C5orf47: variants seen among roughly 807,000 people sequenced by gnomAD.
C5orf47 encodes uncharacterized protein C5orf47.
In C5orf47, 20 loss-of-function variants were observed where a neutral mutation model predicts 20.6. That is an observed-to-expected ratio of 0.97 (90% CI 0.68 to 1.41). C5orf47 has a LOEUF of 1.41. Ranked by LOEUF, C5orf47 falls within the 40% of genes most tolerant of loss-of-function variation. The pLI, the probability that C5orf47 is intolerant of heterozygous loss-of-function variation, is 0.00. For missense variants in C5orf47, 262 were observed against 238.4 expected, an observed-to-expected ratio of 1.10 and a Z score of -0.65; for synonymous variants, 106 against 97.3, an observed-to-expected ratio of 1.09 and a Z score of -0.53.
rs957933098 is a variant in C5orf47, at chr5:174,001,221, C to T, written c.*6C>T. ...GCTCAAATTACACAAGATGAATCTT[C>T]TTATCTTCTGGTAAGAATTTATTTA... On this transcript the variant is annotated 3_prime_UTR_variant, in exon 4 of 5. Coordinates refer to ENST00000340147, the MANE Select transcript of C5orf47 (RefSeq NM_001144954.2). The T allele has an allele frequency of 4.7e-6, 7 of 1,489,352 alleles. No individual in the cohort carries two copies. Among genetic ancestry groups the T allele is most frequent in the East Asian group, 2.5e-5 (1 of 40,566 alleles). The allele number at this position is 1,489,352 out of a possible 1,614,324, so 92.3% of individuals were successfully genotyped here.
At chr5:174,001,981 G>GTTT (rs1181374002) in intron 4 of C5orf47, among the ~76,000 whole-genome samples, 1 of 149,296 alleles carries the variant, frequency 6.7e-6, no homozygotes, top group Non-Finnish European at 1.5e-5. Flanking sequence ...AAGAGACAGG[G>GTTT]TTTTACTCTG....
Position 173,998,210 on chromosome 5 carries a change from C to A in C5orf47, c.383C>A (p.Ala128Asp). 1 of 1,539,866 alleles carries A rather than the reference C, an allele frequency of 6.5e-7. No homozygotes were observed. The highest frequency in any genetic ancestry group is 8.8e-7 in the Non-Finnish European group (1 of 1,140,396). The change falls in exon 2 of 5, where the codon GCT becomes GAT. Residue 128 changes from alanine to aspartate, a missense_variant. Transcript: ENST00000340147. ...KYDFPIPLNE[A>D]SKIMKKKKKV... ...GATTTTCCCATACCATTGAATGAAG[C>A]TTCCAAAATAATGAAGAAAAAGAAA...
intron 1 of C5orf47, among the ~76,000 whole-genome samples, chr5:173,991,512 T>G (rs1025702961): frequency 5.3e-5 from 8 of 151,948 alleles, no homozygotes; most frequent in African/African-American, 1.9e-4. Flanking sequence ...TGTTTGTTTT[T>G]TTTTTTTTAT....
downstream of C5orf47, among the ~76,000 whole-genome samples, chr5:174,008,068 A>G (rs1393854718): frequency 2.6e-5 from 4 of 152,132 alleles, no homozygotes; most frequent in African/African-American, 9.7e-5. Flanking sequence ...ACCTGCCTGG[A>G]TTTTCAGTGA....
chr5:173,997,339 C>T (rs537764843), intron 1 of C5orf47, among the ~76,000 whole-genome samples: 45 of 152,140 alleles, frequency 3.0e-4, no homozygotes, highest in Non-Finnish European at 2.8e-4. Flanking sequence ...AGGGAACACA[C>T]GCTCATTATT....
At chr5:174,004,226 T>C (rs1191303343) in intron 4 of C5orf47, 45 bp from the exon 5 acceptor site, 1 of 152,330 alleles carries the variant, frequency 6.6e-6, no homozygotes, top group Non-Finnish European at 1.5e-5. Context: ...CGGATGATGA[T>C]ATTTTATATT....
At chr5:174,003,519 A>C (rs1055196085) in intron 4 of C5orf47, among the ~76,000 whole-genome samples, 1 of 152,174 alleles carries the variant, frequency 6.6e-6, no homozygotes, top group Admixed American at 6.5e-5. Flanking sequence ...GGTACTCAGG[A>C]AAAAATGCTA....
chr5:174,005,735 G>A lies in C5orf47; in HGVS notation c.*1481G>A, dbSNP rs59808940. 21,293 of 152,200 alleles carry A rather than the reference G, an allele frequency of 0.14. 2,047 individuals carry two copies. Among genetic ancestry groups the A allele is most frequent in the African/African-American group, 0.27 (11,331 of 41,410 alleles). The allele number at this position is 152,200 out of a possible 1,614,324, so 9.4% of individuals were successfully genotyped here. A position where few individuals can be genotyped will look rare whatever the true frequency, so the allele number is the denominator to read the frequency against. On this transcript the variant is annotated 3_prime_UTR_variant, in exon 5 of 5. Coordinates refer to ENST00000340147, the MANE Select transcript of C5orf47 (RefSeq NM_001144954.2). ...AGTTTTGTAGTGAATGTGTATGAGAGTTTTAGGTTTGCTTCAATGTATGTT... is the reference window on the plus strand; with the variant it reads ...AGTTTTGTAGTGAATGTGTATGAGAATTTTAGGTTTGCTTCAATGTATGTT...
chr5:173,995,757 T>C (rs1295745880), intron 1 of C5orf47, among the ~76,000 whole-genome samples: 2 of 152,342 alleles, frequency 1.3e-5, no homozygotes, highest in East Asian at 1.9e-4. Flanking sequence ...GAATGAAAAG[T>C]AAGTTTTGGA....
downstream of C5orf47, among the ~76,000 whole-genome samples, chr5:174,007,329 T>C (rs1164687153): frequency 6.6e-6 from 1 of 152,182 alleles, no homozygotes. Context: ...TTGCTACCAT[T>C]AAAGACCCAA....
downstream of C5orf47, among the ~76,000 whole-genome samples, chr5:174,009,522 T>C (rs1014127649): frequency 6.7e-6 from 1 of 150,084 alleles, no homozygotes; most frequent in African/African-American, 2.4e-5. Flanking sequence ...CAGATTTTGA[T>C]ATATTGTGTT....
At chr5:173,992,277 G>C (rs1396789261) in intron 1 of C5orf47, among the ~76,000 whole-genome samples, 1 of 146,644 alleles carries the variant, frequency 6.8e-6, no homozygotes, top group African/African-American at 2.5e-5. Context: ...GCCCGATACA[G>C]TGCCTCACAC....
At chr5:173,992,365 A>G (rs979182659) in intron 1 of C5orf47, among the ~76,000 whole-genome samples, 12 of 151,940 alleles carry the variant, frequency 7.9e-5, no homozygotes, top group African/African-American at 2.7e-4. Context: ...GTGAGCTATG[A>G]TATGGCCTTC....
At position 173,999,681 on chromosome 5, in the gene C5orf47, C is replaced by T; in HGVS notation, c.412-19C>T. 8.1e-7 allele frequency: 1 copy of T among 1,227,284 alleles called. No homozygotes were observed. The highest frequency in any genetic ancestry group is 1.5e-5 in the South Asian group (1 of 65,628). 76.0% of individuals were successfully genotyped at this position (1,227,284 alleles called of 1,614,324 possible). On this transcript the variant is annotated intron_variant, in intron 2 of 4. Coordinates refer to ENST00000340147, the MANE Select transcript of C5orf47 (RefSeq NM_001144954.2). Reference sequence around the variant, plus strand: ...TACTTTTCTGCTCAGCATTCCTTTACTGTGCTTATCTTTTTAAGGTTTTAG... The same window carrying T: ...TACTTTTCTGCTCAGCATTCCTTTATTGTGCTTATCTTTTTAAGGTTTTAG...
chr5:173,999,594 G>T, intron 2 of C5orf47, 106 bp from the exon 3 acceptor site: 2 of 490,630 alleles, frequency 4.1e-6, no homozygotes, highest in South Asian at 4.1e-5. Context: ...TTATAATGAT[G>T]ATATCAATTG....
Position 174,004,783 on chromosome 5 carries a change from T to G in C5orf47, c.*529T>G, listed in dbSNP as rs1759257680. ...TGGGTGTTAAAACTAAGCTAATGAT[T>G]ATTTAAGCCATCTTTTCATCCTAAG... On this transcript the variant is annotated 3_prime_UTR_variant, in exon 5 of 5. Transcript: ENST00000340147. The G allele has an allele frequency of 6.6e-6, 1 of 152,294 alleles. No individual in the cohort carries two copies. Among genetic ancestry groups the G allele is most frequent in the Non-Finnish European group, 1.5e-5 (1 of 68,012 alleles). The allele number at this position is 152,294 out of a possible 1,614,324, so 9.4% of individuals were successfully genotyped here.
chr5:174,002,153 G>T (rs946717245), intron 4 of C5orf47, among the ~76,000 whole-genome samples: 2 of 151,582 alleles, frequency 1.3e-5, no homozygotes, highest in African/African-American at 2.4e-5. Flanking sequence ...ATAGGTGGGG[G>T]TCTAGCTATG....
chr5:173,999,426 T>C (rs940232422), intron 2 of C5orf47, among the ~76,000 whole-genome samples: 5 of 152,196 alleles, frequency 3.3e-5, no homozygotes, highest in Admixed American at 6.5e-5. Flanking sequence ...GGTAGGACTT[T>C]ATAGTCATTG....
chr5:173,998,850 G>A (rs1759145811), intron 2 of C5orf47, among the ~76,000 whole-genome samples: 1 of 152,156 alleles, frequency 6.6e-6, no homozygotes. Context: ...ACATAACATT[G>A]TGTTGTTTCT....
Sources: gnomAD v4.1 joint callset for allele counts (sites outside exome capture counted in the v4.1 genomes callset) on GRCh38, gnomAD v4.1.1 for gene constraint, MANE v1.5 for transcripts, NCBI Gene and HGNC (gene_info 2026-07-23, HGNC 2026-07-21) for gene names.